The following TAFA1 variants were observed in gnomAD, a reference collection of about 807,000 sequenced individuals.
The protein encoded by TAFA1 is TAFA chemokine like family member 1, also known as chemokine-like protein TAFA-1.
Under a neutral mutation model 18.5 loss-of-function variants are expected in TAFA1, and 4 were observed. The observed-to-expected ratio is 0.22, with a 90% confidence interval of 0.11 to 0.49. TAFA1 has a LOEUF of 0.49. Among genes scored for constraint, TAFA1 ranks in the 20% least tolerant of loss-of-function variants. The pLI is 0.98. For synonymous variants in TAFA1, 56 were observed against 55.2 expected, an observed-to-expected ratio of 1.01 and a Z score of -0.06; for missense variants, 147 against 169.0, an observed-to-expected ratio of 0.87 and a Z score of 0.72.
chr3:68,485,265 G>A (rs2072315203), intron 3 of TAFA1, among the ~76,000 whole-genome samples: 1 of 152,190 alleles, frequency 6.6e-6, no homozygotes, highest in South Asian at 2.1e-4. Context: ...GGCTTTGCCA[G>A]ATGTCTAACT....
chr3:68,142,146 G>A (rs539153582), intron 2 of TAFA1, among the ~76,000 whole-genome samples: 147 of 152,278 alleles, frequency 9.7e-4, no homozygotes, highest in African/African-American at 3.2e-3. Context: ...CTCCAGGGTA[G>A]TTTTGTTCCA....
chr3:68,285,276 T>A (rs1166986556), intron 2 of TAFA1, among the ~76,000 whole-genome samples: 1 of 152,182 alleles, frequency 6.6e-6, no homozygotes. Flanking sequence ...GAGTACCTGA[T>A]GAATTGTAGG....
chr3:68,389,392 A>G (rs1316737120), intron 2 of TAFA1, among the ~76,000 whole-genome samples: 1 of 151,954 alleles, frequency 6.6e-6, no homozygotes, highest in African/African-American at 2.4e-5. Flanking sequence ...CATTTTTTCT[A>G]TTATGAATAA....
intron 3 of TAFA1, among the ~76,000 whole-genome samples, chr3:68,481,052 CTG>C (rs747478669): frequency 1.3e-5 from 2 of 152,198 alleles, no homozygotes; most frequent in African/African-American, 2.4e-5. Flanking sequence ...CCATGTGGAA[CTG>C]TGAATCCATT....
At chr3:68,522,281 T>G (rs1028079452) in intron 3 of TAFA1, among the ~76,000 whole-genome samples, 4 of 152,216 alleles carry the variant, frequency 2.6e-5, no homozygotes, top group Non-Finnish European at 5.9e-5. Context: ...TATAAATCAT[T>G]TCCTCACTAC....
chr3:68,410,786 T>C (rs2070701040), intron 2 of TAFA1, among the ~76,000 whole-genome samples: 1 of 129,764 alleles, frequency 7.7e-6, no homozygotes, highest in Non-Finnish European at 1.6e-5. Flanking sequence ...TGAGAAACCA[T>C]AGATCATCTT....
At chr3:68,456,219 G>C (rs2071662877) in intron 3 of TAFA1, among the ~76,000 whole-genome samples, 1 of 152,096 alleles carries the variant, frequency 6.6e-6, no homozygotes, top group Admixed American at 6.6e-5. Context: ...TTCCCTTCAA[G>C]ACTCAGGGGT....
At position 68,181,228 on chromosome 3, in the gene TAFA1, G is replaced by A. The variant is rs73095423; in HGVS notation, c.118+174484G>A. 8.6e-3 allele frequency among the ~76,000 whole-genome samples: 1,310 copies of A among 152,272 alleles called. 9 individuals are homozygous for A. Among genetic ancestry groups the A allele is most frequent in the Non-Finnish European group, 0.015 (1,043 of 68,022 alleles). On this transcript the variant is annotated intron_variant, in intron 2 of 4. Coordinates refer to ENST00000478136, the MANE Select transcript of TAFA1 (RefSeq NM_213609.4). Reference sequence around the variant, plus strand: ...AGACTCAGTCAGGTGGGGCTGGCTAGTGGGGACCCAGCCAAATTGTGCCCC... The same window carrying A: ...AGACTCAGTCAGGTGGGGCTGGCTAATGGGGACCCAGCCAAATTGTGCCCC...
intron 2 of TAFA1, among the ~76,000 whole-genome samples, chr3:68,411,656 C>A (rs552076573): frequency 1.0e-3 from 157 of 152,210 alleles, no homozygotes; most frequent in African/African-American, 3.5e-3. Context: ...GATCATTATA[C>A]CAAATTTTAA....
chr3:68,395,908 A>G (rs2070374892), intron 2 of TAFA1, among the ~76,000 whole-genome samples: 1 of 152,044 alleles, frequency 6.6e-6, no homozygotes, highest in African/African-American at 2.4e-5. Context: ...TACCTATGTA[A>G]CAAACTTACA....
In TAFA1 at chr3:68,394,633, C is replaced by A. The variant is rs188473015; in HGVS notation, c.119-22647C>A. ...ATAGACCAGTGGAACAGAACAGAGG[C>A]CTCACAAATAACACTATGCATCTAC... On this transcript the variant is annotated intron_variant, in intron 2 of 4. Coordinates refer to ENST00000478136, the MANE Select transcript of TAFA1 (RefSeq NM_213609.4). Among the ~76,000 whole-genome samples the A allele has an allele frequency of 7.9e-5, 12 of 152,030 alleles. No individual in the cohort carries two copies. In the East Asian group the frequency reaches 2.3e-3, roughly 29 times the overall value.
intron 2 of TAFA1, among the ~76,000 whole-genome samples, chr3:68,214,250 G>C (rs888114402): frequency 6.6e-6 from 1 of 152,008 alleles, no homozygotes; most frequent in Non-Finnish European, 1.5e-5. Flanking sequence ...TAGAATTCAG[G>C]CATTTCCTTA....
At chr3:68,439,689 C>A (rs2071338048) in intron 3 of TAFA1, among the ~76,000 whole-genome samples, 1 of 151,718 alleles carries the variant, frequency 6.6e-6, no homozygotes, top group Non-Finnish European at 1.5e-5. Context: ...ATTGTGAATG[C>A]CCAGATTAAG....
chr3:68,541,871 A>G (rs1393334802), intron 4 of TAFA1, among the ~76,000 whole-genome samples: 5 of 152,140 alleles, frequency 3.3e-5, no homozygotes, highest in Admixed American at 2.6e-4. Context: ...TCTCTTCGAA[A>G]TGTGGTTAAA....
chr3:68,216,126 T>TA (rs970375215), intron 2 of TAFA1, among the ~76,000 whole-genome samples: 16 of 151,916 alleles, frequency 1.1e-4, no homozygotes, highest in Admixed American at 7.9e-4. Flanking sequence ...TCAGAGAAAG[T>TA]AAAAAGATTA....
At chr3:68,504,359 AGCAAGCAGTAT>A in intron 3 of TAFA1, among the ~76,000 whole-genome samples, 1 of 152,244 alleles carries the variant, frequency 6.6e-6, no homozygotes, top group South Asian at 2.1e-4. Flanking sequence ...TTGTTCCCAG[AGCAAGCAGTAT>A]GCATTTGCCT....
intron 3 of TAFA1, among the ~76,000 whole-genome samples, chr3:68,488,839 T>C (rs970339865): frequency 6.6e-6 from 1 of 152,182 alleles, no homozygotes; most frequent in African/African-American, 2.4e-5. Context: ...AATTTTTCTG[T>C]GCCTCATTTT....
At chr3:67,991,861 CCTATAT>C in the TAFA1 span, among the ~76,000 whole-genome samples, 8 of 152,176 alleles carry the variant, frequency 5.3e-5, no homozygotes, top group African/African-American at 4.8e-5. Flanking sequence ...TATATCTATA[CCTATAT>C]CTATATCATC....
chr3:68,515,860 CT>C (rs1004154788), intron 3 of TAFA1, among the ~76,000 whole-genome samples: 1 of 152,130 alleles, frequency 6.6e-6, no homozygotes, highest in African/African-American at 2.4e-5. Context: ...CTTATGAAAC[CT>C]CTTAAACTGT....
Sources: gnomAD v4.1 joint callset for allele counts (sites outside exome capture counted in the v4.1 genomes callset) on GRCh38, gnomAD v4.1.1 for gene constraint, MANE v1.5 for transcripts, NCBI Gene and HGNC (gene_info 2026-07-23, HGNC 2026-07-21) for gene names.